Variants in LDAH observed in about 807,000 individuals in gnomAD.
The protein encoded by LDAH is lipid droplet associated hydrolase.
LDAH carries 26 observed loss-of-function variants against 29.6 expected under a neutral mutation model. The ratio of observed to expected loss-of-function variants is 0.88; its 90% CI spans 0.64 to 1.22. The LOEUF (loss-of-function observed/expected upper bound fraction) is 1.22, where lower values mean the gene tolerates loss of function less well. Among genes scored for constraint, LDAH ranks in the 50% most tolerant of loss-of-function variants. The pLI is 0.00. For synonymous variants in LDAH, 117 were observed against 133.0 expected (o/e 0.88, Z 0.83); for missense variants, 344 against 387.3 (o/e 0.89, Z 0.94).
At chr2:20,732,036 T>TATGTTGAATA (rs1666445781) in intron 5 of LDAH, among the ~76,000 whole-genome samples, 1 of 152,222 alleles carries the variant, frequency 6.6e-6, no homozygotes, top group Non-Finnish European at 1.5e-5. Context: ...CGTCCAGCAC[T>TATGTTGAATA]ATGTTGAATA....
intron 6 of LDAH, 80 bp downstream of exon 6, chr2:20,701,490 C>G: frequency 8.9e-7 from 1 of 1,129,014 alleles, no homozygotes; most frequent in Non-Finnish European, 1.3e-6. Flanking sequence ...CTTACAGATT[C>G]TAACTAGTTC....
rs1409008911 is a variant in LDAH, at chr2:20,790,406, A to C, written c.155-8T>G. 13 of 1,611,634 alleles carry C rather than the reference A, an allele frequency of 8.1e-6. No homozygotes were observed. Among genetic ancestry groups the C allele is most frequent in the African/African-American group, 1.3e-5 (1 of 74,712 alleles). On this transcript the variant is annotated splice_polypyrimidine_tract_variant and splice_region_variant and intron_variant, in intron 2 of 6. Coordinates refer to ENST00000237822, the MANE Select transcript of LDAH (RefSeq NM_021925.4). ...CAGAAAAACCTGGGTTACCTAAGAA[A>C]AGAAACACAGACCTTAGATTAATCA...
chr2:20,821,681 G>T (rs556513552), intron 1 of LDAH, among the ~76,000 whole-genome samples: 5 of 152,008 alleles, frequency 3.3e-5, no homozygotes, highest in Admixed American at 2.6e-4. Context: ...CAAGTTAATG[G>T]GTGCAGCACA....
rs1399715538 is a variant in LDAH at position 20,800,683 on chromosome 2, G to C, written c.154+627C>G. On this transcript the variant is annotated intron_variant, in intron 2 of 6. Transcript: ENST00000237822. The stretch of plus-strand genomic sequence containing the variant: ...GAGTCTCGCTCTGCCCCCCAGGCTG[G>C]AGTACGGTGGTGTGATCTGGGGGCA... Among the ~76,000 whole-genome samples the C allele has an allele frequency of 3.9e-5, 6 of 151,986 alleles. No individual in the cohort carries two copies. The East Asian group carries it at 7.7e-4, about 20-fold the overall frequency.
intron 4 of LDAH, among the ~76,000 whole-genome samples, chr2:20,762,902 CA>C (rs1481897643): frequency 6.6e-6 from 1 of 152,128 alleles, no homozygotes; most frequent in African/African-American, 2.4e-5. Flanking sequence ...CCTGAAGACA[CA>C]AAAATACAGA....
chr2:20,788,832 G>T, intron 3 of LDAH: 1 of 284,398 alleles, frequency 3.5e-6, no homozygotes, highest in Non-Finnish European at 6.7e-6. Flanking sequence ...ATAAAGTTAT[G>T]TTTATGTTTT....
At chr2:20,733,312 C>A (rs1253480059) in intron 5 of LDAH, among the ~76,000 whole-genome samples, 1 of 151,936 alleles carries the variant, frequency 6.6e-6, no homozygotes, top group Non-Finnish European at 1.5e-5. Context: ...CTTACCGCAG[C>A]CTTGGCCTCC....
At chr2:20,741,529 T>C (rs1667175908) in intron 4 of LDAH, among the ~76,000 whole-genome samples, 1 of 152,214 alleles carries the variant, frequency 6.6e-6, no homozygotes, top group Non-Finnish European at 1.5e-5. Flanking sequence ...GTTTTTGCTA[T>C]ACTCACTGCA....
At chr2:20,711,907 C>T (rs1040596578) in intron 5 of LDAH, among the ~76,000 whole-genome samples, 3 of 152,372 alleles carry the variant, frequency 2.0e-5, no homozygotes, top group African/African-American at 7.2e-5. Flanking sequence ...GCAGAGCCCA[C>T]TGCAGCACCA....
At chr2:20,807,318 A>G (rs976338409) in intron 1 of LDAH, among the ~76,000 whole-genome samples, 1 of 152,170 alleles carries the variant, frequency 6.6e-6, no homozygotes, top group African/African-American at 2.4e-5. Context: ...CCAATTTTAC[A>G]TACAGTTGTC....
intron 1 of LDAH, among the ~76,000 whole-genome samples, chr2:20,822,482 G>A (rs538041865): frequency 9.2e-5 from 14 of 152,272 alleles, no homozygotes; most frequent in Admixed American, 6.5e-4. Context: ...AGGACACAAA[G>A]CAGGTGTCCG....
intron 3 of LDAH, among the ~76,000 whole-genome samples, chr2:20,786,394 T>C (rs1255921448): frequency 6.6e-6 from 1 of 152,174 alleles, no homozygotes; most frequent in African/African-American, 2.4e-5. Flanking sequence ...TTCATCACGT[T>C]GGCCAGGCTG....
intron 3 of LDAH, among the ~76,000 whole-genome samples, chr2:20,788,572 G>T (rs956376480): frequency 1.3e-4 from 20 of 152,122 alleles, no homozygotes; most frequent in Admixed American, 1.3e-3. Flanking sequence ...GATGTAAAAT[G>T]TAACTTTATT....
intron 2 of LDAH, 159 bp downstream of exon 2, chr2:20,801,151 C>A: frequency 1.5e-6 from 1 of 676,092 alleles, no homozygotes; most frequent in Admixed American, 3.2e-5. Context: ...AACACAAAAT[C>A]CAGACGTCAA....
chr2:20,800,920 T>C (rs975283878), intron 2 of LDAH, among the ~76,000 whole-genome samples: 6 of 152,118 alleles, frequency 3.9e-5, no homozygotes, highest in Non-Finnish European at 8.8e-5. Context: ...GCGTGAGCCA[T>C]TGCACCTGGC....
intron 1 of LDAH, among the ~76,000 whole-genome samples, chr2:20,805,653 T>G (rs1030320031): frequency 2.6e-5 from 4 of 152,160 alleles, no homozygotes; most frequent in Non-Finnish European, 5.9e-5. Flanking sequence ...TCTGTGTAAC[T>G]TAGGCAAGCC....
intron 4 of LDAH, among the ~76,000 whole-genome samples, chr2:20,760,597 AT>A (rs1330176593): frequency 6.6e-6 from 1 of 152,190 alleles, no homozygotes; most frequent in African/African-American, 2.4e-5. Context: ...GTAGTGTAGC[AT>A]CAAGGATTTC....
chr2:20,811,494 T>G lies in LDAH; in HGVS notation c.-2-10029A>C, dbSNP rs554092438. ...AACTGGATTAAACTAGTTTTTTTTT[T>G]TTGTTTTTTGAGATGAGTCTTGCTC... is the stretch of plus-strand genomic sequence containing the variant. On this transcript the variant is annotated intron_variant, in intron 1 of 6. Coordinates refer to ENST00000237822, the MANE Select transcript of LDAH (RefSeq NM_021925.4). Among the ~76,000 whole-genome samples the G allele has an allele frequency of 7.3e-5, 11 of 151,662 alleles. No individual in the cohort carries two copies. The East Asian group carries it at 1.2e-3, about 16-fold the overall frequency.
chr2:20,801,881 C>T (rs1671694063), intron 1 of LDAH, among the ~76,000 whole-genome samples: 1 of 151,086 alleles, frequency 6.6e-6, no homozygotes, highest in Admixed American at 6.6e-5. Flanking sequence ...CAATGAACTC[C>T]CTATGGTCTC....
Sources: allele counts gnomAD v4.1 joint callset (sites outside exome capture counted in the v4.1 genomes callset), GRCh38; gene constraint gnomAD v4.1.1; transcripts MANE v1.5; gene names NCBI Gene and HGNC (gene_info 2026-07-23, HGNC 2026-07-21).